PIK3C2A: variants seen among roughly 807,000 people sequenced by gnomAD.
PIK3C2A encodes phosphatidylinositol 4-phosphate 3-kinase C2 domain-containing subunit alpha.
In PIK3C2A, 97 loss-of-function variants were observed where a neutral mutation model predicts 204.5. The ratio of observed to expected loss-of-function variants is 0.47; its 90% CI spans 0.40 to 0.56. The LOEUF is 0.56. Among genes scored for constraint, PIK3C2A ranks in the 20% least tolerant of loss-of-function variants. PIK3C2A has a pLI of 0.00. For synonymous variants in PIK3C2A, 653 were observed against 664.4 expected, an observed-to-expected ratio of 0.98 and a Z score of 0.26; for missense variants, 1,735 against 1,969.2, an observed-to-expected ratio of 0.88 and a Z score of 2.25.
chr11:17,104,243 G>A (rs1210578095), intron 23 of PIK3C2A, among the ~76,000 whole-genome samples: 3 of 152,088 alleles, frequency 2.0e-5, no homozygotes, highest in African/African-American at 7.2e-5. Flanking sequence ...TAGTAAAACA[G>A]AAAATTGATG....
chr11:17,176,370 T>C (rs1851341684), intron 1 of PIK3C2A, among the ~76,000 whole-genome samples: 1 of 151,838 alleles, frequency 6.6e-6, no homozygotes, highest in African/African-American at 2.4e-5. Context: ...ATTCTTAAAC[T>C]TTGGGAGGCT....
At chr11:17,123,305 T>C (rs994538653) in intron 13 of PIK3C2A, among the ~76,000 whole-genome samples, 2 of 152,062 alleles carry the variant, frequency 1.3e-5, no homozygotes, top group Non-Finnish European at 2.9e-5. Context: ...TGGAGTGTAG[T>C]AGCACAACTA....
chr11:17,170,169 A>G (rs910291558), intron 1 of PIK3C2A, among the ~76,000 whole-genome samples: 4 of 152,244 alleles, frequency 2.6e-5, no homozygotes, highest in African/African-American at 4.8e-5. Context: ...CATATTTTCA[A>G]CAGTTCAGAC....
intron 18 of PIK3C2A, 75 bp downstream of exon 18, chr11:17,118,570 T>G: frequency 1.4e-6 from 1 of 717,624 alleles, no homozygotes; most frequent in Non-Finnish European, 2.5e-6. Flanking sequence ...GGCATACCAT[T>G]TAGACTTACA....
intron 24 of PIK3C2A, among the ~76,000 whole-genome samples, chr11:17,101,765 G>A (rs762594724): frequency 4.0e-5 from 6 of 150,694 alleles, no homozygotes; most frequent in Non-Finnish European, 5.9e-5. Context: ...CACCACGCCC[G>A]GCTAATTTTT....
At chr11:17,145,645 C>T in intron 8 of PIK3C2A, 23 bp downstream of exon 8, 10 of 1,479,018 alleles carry the variant, frequency 6.8e-6, no homozygotes, top group Non-Finnish European at 9.4e-6. Context: ...AGTCATTATG[C>T]CAAAATGTGA....
Position 17,147,550 on chromosome 11 carries a change from G to A in PIK3C2A, c.1527C>T (p.Thr509=). Residue 509 remains threonine (T), a synonymous_variant, in exon 6 of 33, where the codon ACC becomes ACT. Coordinates refer to ENST00000691414, the MANE Select transcript of PIK3C2A (RefSeq NM_002645.4). ...CCAGATTTTGACACATTGCACTGAA[G>A]GTCAAGAGTTGTAGTCTAATTTCTG... is the stretch of plus-strand genomic sequence containing the variant. ...WDTEIRLQLL[T]FSAMCQNLAR... is the part of the protein sequence containing the mutation. 1.2e-6 allele frequency: 2 copies of A among 1,610,586 alleles called. No homozygotes were observed. Among genetic ancestry groups the A allele is most frequent in the Non-Finnish European group, 1.7e-6 (2 of 1,176,836 alleles).
chr11:17,153,275 T>TA (rs1850477264), intron 3 of PIK3C2A, among the ~76,000 whole-genome samples: 1 of 151,646 alleles, frequency 6.6e-6, no homozygotes, highest in African/African-American at 2.4e-5. Flanking sequence ...CTACTAAAAA[T>TA]ACAAAAAAAA....
chr11:17,093,223 A>C (rs1238487772), intron 28 of PIK3C2A, among the ~76,000 whole-genome samples: 1 of 152,248 alleles, frequency 6.6e-6, no homozygotes, highest in Non-Finnish European at 1.5e-5. Context: ...AAAGGGTATC[A>C]GATACAAAAC....
chr11:17,173,360 T>A lies in PIK3C2A; in HGVS notation c.-65-3554A>T, dbSNP rs553583195. 1.7e-3 allele frequency among the ~76,000 whole-genome samples: 261 copies of A among 152,280 alleles called. 1 individual carries two copies. The highest frequency in any genetic ancestry group is 3.0e-3 in the Non-Finnish European group (203 of 68,020). On this transcript the variant is annotated intron_variant, in intron 1 of 32. Transcript: ENST00000691414. ...TTAACTCCTGGACTTCTGCTGAAAC[T>A]ATTTGGAAAGAAAGCTTTTCTTTGA...
At chr11:17,136,968 T>C (rs1214339458) in intron 8 of PIK3C2A, among the ~76,000 whole-genome samples, 1 of 152,164 alleles carries the variant, frequency 6.6e-6, no homozygotes, top group Non-Finnish European at 1.5e-5. Flanking sequence ...ACATTGAAAA[T>C]AACCCTTCTC....
At chr11:17,179,164 C>T (rs1405548455) in intron 1 of PIK3C2A, among the ~76,000 whole-genome samples, 2 of 152,082 alleles carry the variant, frequency 1.3e-5, no homozygotes, top group East Asian at 1.9e-4. Context: ...CGCACCTGGC[C>T]TATTTATTTA....
At chr11:17,180,817 G>C (rs952531801) in intron 1 of PIK3C2A, among the ~76,000 whole-genome samples, 2 of 152,108 alleles carry the variant, frequency 1.3e-5, no homozygotes, top group African/African-American at 4.8e-5. Context: ...TTCAGACTAC[G>C]GTCACAAGTA....
At chr11:17,150,682 T>C (rs925979608) in intron 3 of PIK3C2A, 27 bp from the exon 4 acceptor site, 1 of 1,546,712 alleles carries the variant, frequency 6.5e-7, no homozygotes, top group Admixed American at 2.1e-5. Context: ...AGAAATTAAA[T>C]TCTTTTTTAA....
At chr11:17,200,954 C>T (rs1426545203) in intron 1 of PIK3C2A, among the ~76,000 whole-genome samples, 1 of 152,146 alleles carries the variant, frequency 6.6e-6, no homozygotes, top group Non-Finnish European at 1.5e-5. Flanking sequence ...GCCTGTAATC[C>T]CAGCACTTTA....
chr11:17,176,381 G>C (rs933060464), intron 1 of PIK3C2A, among the ~76,000 whole-genome samples: 1 of 152,074 alleles, frequency 6.6e-6, no homozygotes, highest in Admixed American at 6.5e-5. Flanking sequence ...TTGGGAGGCT[G>C]AAGTGGGAAG....
At chr11:17,155,170 T>C (rs1474375113) in intron 3 of PIK3C2A, among the ~76,000 whole-genome samples, 1 of 152,198 alleles carries the variant, frequency 6.6e-6, no homozygotes, top group Admixed American at 6.5e-5. Flanking sequence ...CTTAAATATG[T>C]TGAACAGTAT....
intron 1 of PIK3C2A, among the ~76,000 whole-genome samples, chr11:17,181,254 C>G (rs1305172418): frequency 6.6e-6 from 1 of 152,048 alleles, no homozygotes; most frequent in Non-Finnish European, 1.5e-5. Context: ...TAGCACTTCT[C>G]CCCTCCCTAA....
At chr11:17,153,485 G>A (rs1356044782) in intron 3 of PIK3C2A, among the ~76,000 whole-genome samples, 4 of 149,900 alleles carry the variant, frequency 2.7e-5, no homozygotes, top group African/African-American at 9.8e-5. Flanking sequence ...AGTAGATATA[G>A]CAAGCTTTGT....
Sources: gnomAD v4.1 joint callset for allele counts (sites outside exome capture counted in the v4.1 genomes callset) on GRCh38, gnomAD v4.1.1 for gene constraint, MANE v1.5 for transcripts, NCBI Gene and HGNC (gene_info 2026-07-23, HGNC 2026-07-21) for gene names.